The following ABLIM3 variants were observed in gnomAD, a reference collection of about 807,000 sequenced individuals.
ABLIM3 encodes the protein actin-binding LIM protein 3.
In ABLIM3, 61 loss-of-function variants were observed where a neutral mutation model predicts 109.5. The observed-to-expected ratio is 0.56, with a 90% CI of 0.45 to 0.69. ABLIM3 has a LOEUF of 0.69. Among genes scored for constraint, ABLIM3 ranks in the 30% least tolerant of loss-of-function variants. The pLI, the probability that ABLIM3 is intolerant of heterozygous loss-of-function variation, is 0.00. For missense variants in ABLIM3, 796 were observed against 889.5 expected, an observed-to-expected ratio of 0.89 and a Z score of 1.34; for synonymous variants, 300 against 324.8, an observed-to-expected ratio of 0.92 and a Z score of 0.82.
chr5:149,147,326 AT>A (rs1358494016), intron 2 of ABLIM3, among the ~76,000 whole-genome samples: 3 of 152,124 alleles, frequency 2.0e-5, no homozygotes, highest in African/African-American at 7.2e-5. Context: ...AGATAATCAT[AT>A]TTTTTTGTTT....
intron 2 of ABLIM3, among the ~76,000 whole-genome samples, chr5:149,175,188 C>T (rs1026247722): frequency 2.6e-5 from 4 of 152,138 alleles, no homozygotes; most frequent in Non-Finnish European, 4.4e-5. Context: ...TTTATACCAC[C>T]GTGCATTAAA....
chr5:149,230,679 A>G lies in ABLIM3; in HGVS notation c.788A>G (p.Gln263Arg), dbSNP rs750660195. 2 of 1,614,076 alleles carry G rather than the reference A, an allele frequency of 1.2e-6. No homozygotes were observed. Among genetic ancestry groups the G allele is most frequent in the South Asian group, 2.2e-5 (2 of 91,072 alleles). ...GAGGTTTGGCACCCCATCTGCAAAC[A>G]GGCAGCCCGGGCAGAGAAGAAGTTA... Reference protein sequence around the residue: ...GSEVWHPICKQAARAEKKLKH... With the variant: ...GSEVWHPICKRAARAEKKLKH... The change falls in exon 9 of 24, where the codon CAG becomes CGG. Residue 263 changes from glutamine to arginine, a missense_variant. Transcript: ENST00000309868.
At chr5:149,220,520 C>G (rs941735641) in intron 8 of ABLIM3, 7 of 152,144 alleles carry the variant, frequency 4.6e-5, no homozygotes, top group African/African-American at 1.7e-4. Flanking sequence ...TGAGGGGGAC[C>G]AGGCCAAGCA....
chr5:149,247,975 T>C (rs780441338), intron 18 of ABLIM3, 46 bp downstream of exon 18: 2 of 1,587,358 alleles, frequency 1.3e-6, no homozygotes, highest in Non-Finnish European at 1.7e-6. Context: ...CACCTTTCTC[T>C]GTGACTAGCT....
chr5:149,143,523 C>T (rs1365582335), intron 2 of ABLIM3, among the ~76,000 whole-genome samples: 1 of 151,186 alleles, frequency 6.6e-6, no homozygotes, highest in Non-Finnish European at 1.5e-5. Context: ...CCCCACCCCA[C>T]CCCCACCTCC....
At position 149,151,680 on chromosome 5, in the gene ABLIM3, G is replaced by C. The variant is rs1316907924; in HGVS notation, c.13+9572G>C. ...GAGGTCCCCACATGGGAAGACCCCA[G>C]TAATTTAGTATGTCCACAGCCAGTC... On this transcript the variant is annotated intron_variant, in intron 2 of 23. Transcript: ENST00000309868. Among the ~76,000 whole-genome samples, 8 of 152,352 alleles carry C rather than the reference G, an allele frequency of 5.3e-5. No individual in the cohort carries two copies. In the East Asian group the frequency reaches 1.3e-3, roughly 26 times the overall value.
chr5:149,173,910 T>C (rs1434737483), intron 2 of ABLIM3, among the ~76,000 whole-genome samples: 1 of 150,418 alleles, frequency 6.6e-6, no homozygotes, highest in African/African-American at 2.5e-5. Flanking sequence ...TAGTCCCAGC[T>C]ACTCGGGAGG....
chr5:149,252,704 G>T, intron 22 of ABLIM3, 53 bp from the exon 23 acceptor site: 1 of 1,388,228 alleles, frequency 7.2e-7, no homozygotes, highest in South Asian at 1.2e-5. Context: ...TACCTGAAAG[G>T]AACAAGCCCA....
chr5:149,159,348 A>G (rs1438861041), intron 2 of ABLIM3, among the ~76,000 whole-genome samples: 1 of 152,244 alleles, frequency 6.6e-6, no homozygotes, highest in Non-Finnish European at 1.5e-5. Flanking sequence ...GACAGAAATT[A>G]TAACAGAGTT....
intron 2 of ABLIM3, among the ~76,000 whole-genome samples, chr5:149,178,121 T>TG (rs1409736010): frequency 6.6e-6 from 1 of 152,174 alleles, no homozygotes; most frequent in African/African-American, 2.4e-5. Flanking sequence ...ACCTGGGCCC[T>TG]GGCTCAACTC....
intron 3 of ABLIM3, among the ~76,000 whole-genome samples, chr5:149,193,906 T>G (rs1041719036): frequency 1.3e-5 from 2 of 152,208 alleles, no homozygotes; most frequent in African/African-American, 4.8e-5. Flanking sequence ...AGATCCCTAC[T>G]GTATATCATT....
intron 2 of ABLIM3, among the ~76,000 whole-genome samples, chr5:149,152,570 GT>G (rs1433157444): frequency 2.0e-5 from 3 of 152,096 alleles, no homozygotes; most frequent in Non-Finnish European, 4.4e-5. Context: ...GGTCAGTTTT[GT>G]TTTCAGAGAA....
chr5:149,212,835 G>A (rs111709032), intron 7 of ABLIM3, among the ~76,000 whole-genome samples: 5,000 of 152,176 alleles, frequency 0.033, 138 homozygotes, highest in African/African-American at 0.076. Flanking sequence ...TCAGAAATAC[G>A]GATCAGAGGC....
chr5:149,217,754 T>A (rs1204291184), intron 8 of ABLIM3: 1 of 152,260 alleles, frequency 6.6e-6, no homozygotes, highest in Non-Finnish European at 1.5e-5. Flanking sequence ...GCCTAGCATT[T>A]AAAATCTTGC....
intron 3 of ABLIM3, among the ~76,000 whole-genome samples, chr5:149,197,749 T>A (rs1022491067): frequency 6.6e-6 from 1 of 152,244 alleles, no homozygotes; most frequent in Admixed American, 6.5e-5. Flanking sequence ...ATTACATTCA[T>A]ATTTCCACCA....
Position 149,208,648 on chromosome 5 carries a change from T to C in ABLIM3, c.575+1514T>C, listed in dbSNP as rs975740107. On this transcript the variant is annotated intron_variant, in intron 6 of 23. Coordinates refer to ENST00000309868, the MANE Select transcript of ABLIM3 (RefSeq NM_014945.5). ...AGGCCACATGCCCATTCCTGACCAA[T>C]CACTGGCCCAGAGGATCTGAACCCT... is the stretch of plus-strand genomic sequence containing the variant. Among the ~76,000 whole-genome samples, 5 of 152,180 alleles carry C rather than the reference T, an allele frequency of 3.3e-5. No individual in the cohort carries two copies. In the East Asian group the frequency reaches 9.7e-4, roughly 30 times the overall value.
At chr5:149,208,350 GTCTCTCTCTCTC>G (rs10564662) in intron 6 of ABLIM3, among the ~76,000 whole-genome samples, 12 of 132,192 alleles carry the variant, frequency 9.1e-5, no homozygotes, top group African/African-American at 2.3e-4. Context: ...CTATCTTTTT[GTCTCTCTCTCTC>G]TCTCTCTCTC....
chr5:149,215,407 AT>A (rs1383827309), intron 7 of ABLIM3, among the ~76,000 whole-genome samples: 15 of 151,614 alleles, frequency 9.9e-5, no homozygotes, highest in Admixed American at 8.6e-4. Flanking sequence ...AATATTGGAG[AT>A]TTTTTTCTTT....
intron 23 of ABLIM3, among the ~76,000 whole-genome samples, chr5:149,256,408 C>T (rs1325044622): frequency 6.6e-6 from 1 of 152,180 alleles, no homozygotes; most frequent in Non-Finnish European, 1.5e-5. Context: ...TTTCAGCACT[C>T]ACTTGAGTAG....
Sources: allele counts gnomAD v4.1 joint callset (sites outside exome capture counted in the v4.1 genomes callset), GRCh38; gene constraint gnomAD v4.1.1; transcripts MANE v1.5; gene names NCBI Gene and HGNC (gene_info 2026-07-23, HGNC 2026-07-21).